OTOGL: variants seen among roughly 807,000 people sequenced by gnomAD.
OTOGL encodes otogelin-like protein.
Under a neutral mutation model 318.5 loss-of-function variants are expected in OTOGL, and 285 were observed. The observed-to-expected ratio is 0.89, with a 90% CI of 0.81 to 0.99. OTOGL has a LOEUF of 0.99. Ranked by LOEUF, OTOGL falls within the 50% of genes least tolerant of loss-of-function variation. The pLI is 0.00. For synonymous variants in OTOGL, 987 were observed against 936.5 expected (o/e 1.05, Z -0.99); for missense variants, 2,899 against 2,845.6 (o/e 1.02, Z -0.43).
At chr12:80,174,814 T>G (rs1279422885) in intron 1 of OTOGL, among the ~76,000 whole-genome samples, 2 of 152,126 alleles carry the variant, frequency 1.3e-5, no homozygotes, top group Non-Finnish European at 2.9e-5. Flanking sequence ...ATTAGAATAT[T>G]CCTTGAAGGT....
At chr12:80,101,408 A>C (rs1037213776) in intron 1 of OTOGL, among the ~76,000 whole-genome samples, 1 of 152,202 alleles carries the variant, frequency 6.6e-6, no homozygotes, top group African/African-American at 2.4e-5. Context: ...CATTCTCCTG[A>C]ACATCCTCCT....
intron 1 of OTOGL, among the ~76,000 whole-genome samples, chr12:80,170,005 T>C (rs1874080942): frequency 6.6e-6 from 1 of 152,320 alleles, no homozygotes; most frequent in Non-Finnish European, 1.5e-5. Context: ...ATCCTTTCAT[T>C]TCTTTTGAGT....
At position 80,222,904 on chromosome 12, in the gene OTOGL, A is replaced by G. The variant is rs2137361078; in HGVS notation, c.489+659A>G. Among the ~76,000 whole-genome samples, 6 of 152,092 alleles carry G rather than the reference A, an allele frequency of 3.9e-5. 1 individual carries two copies. The highest frequency in any genetic ancestry group is 3.9e-4 in the Admixed American group (6 of 15,264). ...GCAAATATTAAAAGTAGGCCCTGAA[A>G]CTTCTTTTTTTTCATAGGTTTTTGG... On this transcript the variant is annotated intron_variant, in intron 7 of 58. Transcript: ENST00000547103.
intron 1 of OTOGL, among the ~76,000 whole-genome samples, chr12:80,130,621 G>A (rs531367888): frequency 2.6e-5 from 4 of 152,262 alleles, no homozygotes; most frequent in South Asian, 2.1e-4. Flanking sequence ...AGGGAGTGGC[G>A]AAGCTAAGTT....
intron 28 of OTOGL, among the ~76,000 whole-genome samples, chr12:80,303,745 T>A (rs1885927503): frequency 6.6e-6 from 1 of 152,072 alleles, no homozygotes; most frequent in South Asian, 2.1e-4. Flanking sequence ...AACCATCAGG[T>A]GTCATGAGAA....
intron 1 of OTOGL, among the ~76,000 whole-genome samples, chr12:80,124,174 T>A (rs1870663945): frequency 6.6e-6 from 1 of 152,348 alleles, no homozygotes; most frequent in East Asian, 1.9e-4. Context: ...GTTTTATGTC[T>A]AACATTTAAG....
intron 37 of OTOGL, among the ~76,000 whole-genome samples, chr12:80,330,310 C>A (rs1887988754): frequency 1.3e-5 from 2 of 152,138 alleles, no homozygotes; most frequent in Admixed American, 6.6e-5. Flanking sequence ...AAGCATTTGT[C>A]ATACTTTTAA....
intron 26 of OTOGL, among the ~76,000 whole-genome samples, 177 bp from the exon 27 acceptor site, chr12:80,296,650 T>C (rs1226066335): frequency 6.6e-6 from 1 of 152,136 alleles, no homozygotes; most frequent in East Asian, 1.9e-4. Flanking sequence ...GCTATCCTAC[T>C]ATATTTCTAT....
At chr12:80,169,946 A>G (rs1874077995) in intron 1 of OTOGL, among the ~76,000 whole-genome samples, 1 of 152,240 alleles carries the variant, frequency 6.6e-6, no homozygotes, top group South Asian at 2.1e-4. Flanking sequence ...TTTGGAAATT[A>G]TGAATAATGC....
intron 1 of OTOGL, among the ~76,000 whole-genome samples, chr12:80,115,343 A>G (rs571504382): frequency 6.6e-6 from 1 of 152,072 alleles, no homozygotes; most frequent in Non-Finnish European, 1.5e-5. Context: ...TCCTTCTAAC[A>G]GTCAGGTCCC....
intron 11 of OTOGL, among the ~76,000 whole-genome samples, chr12:80,241,456 T>C (rs1880371360): frequency 6.6e-6 from 1 of 151,784 alleles, no homozygotes. Flanking sequence ...TATAGCTCTT[T>C]GTTGTTGTTT....
At chr12:80,179,772 G>A (rs1483488930) in intron 1 of OTOGL, among the ~76,000 whole-genome samples, 3 of 152,184 alleles carry the variant, frequency 2.0e-5, no homozygotes, top group Admixed American at 1.3e-4. Flanking sequence ...GCCTGTCCTT[G>A]ACTTGGGACA....
chr12:80,328,970 G>A (rs1162733052), intron 36 of OTOGL, 81 bp from the exon 37 acceptor site: 9 of 1,303,798 alleles, frequency 6.9e-6, no homozygotes, highest in Non-Finnish European at 8.5e-6. Flanking sequence ...TTTCCTTGAA[G>A]CTAAAGAGTC....
intron 12 of OTOGL, 97 bp from the exon 13 acceptor site, chr12:80,251,979 T>G (rs1466586068): frequency 6.7e-6 from 9 of 1,349,134 alleles, no homozygotes; most frequent in Non-Finnish European, 8.7e-6. Context: ...AAAGTTATTT[T>G]TTGCAAATTA....
intron 19 of OTOGL, among the ~76,000 whole-genome samples, chr12:80,264,657 T>C (rs1288478442): frequency 6.6e-6 from 1 of 152,184 alleles, no homozygotes; most frequent in Non-Finnish European, 1.5e-5. Context: ...TATGTGGATG[T>C]CTGGAAATAA....
intron 1 of OTOGL, among the ~76,000 whole-genome samples, chr12:80,110,193 G>A (rs928046299): frequency 8.0e-5 from 12 of 149,924 alleles, no homozygotes; most frequent in African/African-American, 3.0e-4. Context: ...TCAGCCTCCC[G>A]AGTAGCTGGG....
intron 17 of OTOGL, 95 bp downstream of exon 17, chr12:80,256,555 T>C: frequency 1.4e-6 from 2 of 1,441,844 alleles, no homozygotes; most frequent in South Asian, 1.4e-5. Context: ...CTTTTCCTAA[T>C]GTTAGGCTGA....
chr12:80,335,875 C>G (rs1888359067), intron 38 of OTOGL, 88 bp from the exon 39 acceptor site: 1 of 1,229,972 alleles, frequency 8.1e-7, no homozygotes, highest in Non-Finnish European at 1.1e-6. Flanking sequence ...TAAATGTACA[C>G]CATGGGCAAT....
chr12:80,253,699 C>A, intron 14 of OTOGL, 125 bp downstream of exon 14: 2 of 716,858 alleles, frequency 2.8e-6, no homozygotes, highest in South Asian at 2.4e-5. Context: ...ACAAAACTTG[C>A]ATTTTATTTA....
Sources: allele counts gnomAD v4.1 joint callset (sites outside exome capture counted in the v4.1 genomes callset), GRCh38; gene constraint gnomAD v4.1.1; transcripts MANE v1.5; gene names NCBI Gene and HGNC (gene_info 2026-07-23, HGNC 2026-07-21).